Variants in FHOD3 observed in about 807,000 individuals in gnomAD.
The protein encoded by FHOD3 is FH1/FH2 domain-containing protein 3.
FHOD3 carries 90 observed loss-of-function variants against 173.0 expected under a neutral mutation model. That is an observed-to-expected ratio of 0.52 (90% CI 0.44 to 0.62). The LOEUF (loss-of-function observed/expected upper bound fraction) is 0.62, where lower values mean the gene tolerates loss of function less well. Among genes scored for constraint, FHOD3 ranks in the 20% least tolerant of loss-of-function variants. The pLI is 0.00. For missense variants in FHOD3, 1,945 were observed against 2,034.7 expected (o/e 0.96, Z 0.85); for synonymous variants, 828 against 823.0 (o/e 1.01, Z -0.10).
At chr18:36,531,090 T>C (rs753867622) in intron 5 of FHOD3, among the ~76,000 whole-genome samples, 39 of 152,222 alleles carry the variant, frequency 2.6e-4, no homozygotes, top group Non-Finnish European at 4.0e-4. Flanking sequence ...CCTCCTACTC[T>C]AACCTCATTT....
At chr18:36,580,079 A>G (rs1599737629) in intron 6 of FHOD3, among the ~76,000 whole-genome samples, 1 of 152,248 alleles carries the variant, frequency 6.6e-6, no homozygotes, top group Non-Finnish European at 1.5e-5. Context: ...ACACACAGGA[A>G]AATCTTTATT....
chr18:36,407,033 G>A (rs1037637660), intron 3 of FHOD3, among the ~76,000 whole-genome samples: 5 of 152,288 alleles, frequency 3.3e-5, no homozygotes, highest in South Asian at 4.1e-4. Flanking sequence ...CAGTGTAATC[G>A]CATCATGTGT....
chr18:36,342,995 C>T (rs2045700222), intron 1 of FHOD3, among the ~76,000 whole-genome samples: 1 of 152,098 alleles, frequency 6.6e-6, no homozygotes, highest in Non-Finnish European at 1.5e-5. Context: ...TTAGGATTGC[C>T]ATAATAAAAA....
At chr18:36,641,876 C>A (rs539117600) in intron 10 of FHOD3, among the ~76,000 whole-genome samples, 89 of 151,610 alleles carry the variant, frequency 5.9e-4, no homozygotes, top group Non-Finnish European at 9.9e-4. Flanking sequence ...TCGCTTGAAC[C>A]CGGGGGTTGG....
intron 5 of FHOD3, among the ~76,000 whole-genome samples, chr18:36,528,448 T>C (rs955911466): frequency 1.3e-5 from 2 of 152,200 alleles, no homozygotes; most frequent in Non-Finnish European, 2.9e-5. Flanking sequence ...ATAAAGCCTG[T>C]CTTTCTATGG....
intron 19 of FHOD3, among the ~76,000 whole-genome samples, chr18:36,722,565 T>C (rs2040844565): frequency 6.6e-6 from 1 of 151,926 alleles, no homozygotes; most frequent in Admixed American, 6.5e-5. Context: ...AACTTTTAAA[T>C]AAAAATTAGG....
chr18:36,333,971 A>G (rs2045162981), intron 1 of FHOD3, among the ~76,000 whole-genome samples: 1 of 152,114 alleles, frequency 6.6e-6, no homozygotes, highest in Non-Finnish European at 1.5e-5. Context: ...TCAGATCCAT[A>G]TTCCTGGCCA....
intron 3 of FHOD3, among the ~76,000 whole-genome samples, chr18:36,403,200 T>A (rs2146712744): frequency 6.6e-6 from 1 of 152,270 alleles, no homozygotes; most frequent in African/African-American, 2.4e-5. Flanking sequence ...CTCTCTCCCC[T>A]AGGGGGCTGG....
chr18:36,489,789 C>T (rs2054373743), intron 3 of FHOD3, among the ~76,000 whole-genome samples: 8 of 152,026 alleles, frequency 5.3e-5, no homozygotes, highest in Admixed American at 5.2e-4. Flanking sequence ...TATGAAAGTC[C>T]ATCACTAAAG....
intron 2 of FHOD3, among the ~76,000 whole-genome samples, chr18:36,362,466 AC>A (rs1311903257): frequency 6.6e-6 from 1 of 152,158 alleles, no homozygotes; most frequent in African/African-American, 2.4e-5. Context: ...AGGGGTTTAT[AC>A]CTGTTAGTCT....
chr18:36,311,652 T>G (rs1712034820), intron 1 of FHOD3, among the ~76,000 whole-genome samples: 1 of 152,076 alleles, frequency 6.6e-6, no homozygotes, highest in South Asian at 2.1e-4. Flanking sequence ...TGCTATGAGA[T>G]CTCCTCTTAC....
chr18:36,590,609 G>A (rs1302898207), intron 6 of FHOD3, among the ~76,000 whole-genome samples: 1 of 151,986 alleles, frequency 6.6e-6, no homozygotes, highest in Non-Finnish European at 1.5e-5. Flanking sequence ...GCTTCCAAAG[G>A]TACATCCACA....
intron 19 of FHOD3, among the ~76,000 whole-genome samples, chr18:36,721,942 G>T (rs1270951948): frequency 6.6e-6 from 1 of 152,154 alleles, no homozygotes; most frequent in Admixed American, 6.5e-5. Context: ...GAGTTATTGG[G>T]CATGGCTGTG....
At chr18:36,315,127 C>G (rs1190583713) in intron 1 of FHOD3, among the ~76,000 whole-genome samples, 1 of 152,190 alleles carries the variant, frequency 6.6e-6, no homozygotes, top group Non-Finnish European at 1.5e-5. Flanking sequence ...AGCCTACTCT[C>G]CTAATAGGCA....
chr18:36,358,038 T>G (rs1043828244), intron 2 of FHOD3, among the ~76,000 whole-genome samples: 3 of 152,232 alleles, frequency 2.0e-5, no homozygotes, highest in African/African-American at 7.2e-5. Flanking sequence ...TCTTTAATAA[T>G]TAATTATCAT....
At position 36,752,046 on chromosome 18, in the gene FHOD3, C is replaced by T. The variant is rs150370884; in HGVS notation, c.4233-3073C>T. ...ATCACAGTGGAAGGGGAACCAAACA[C>T]GTCCTTCTTCACATAACGGCAGCAA... On this transcript the variant is annotated intron_variant, in intron 24 of 28. Coordinates refer to ENST00000590592, the MANE Select transcript of FHOD3 (RefSeq NM_001281740.3). Among the ~76,000 whole-genome samples, 485 of 152,270 alleles carry T rather than the reference C, an allele frequency of 3.2e-3. 3 individuals are homozygous for T. Among genetic ancestry groups the T allele is most frequent in the African/African-American group, 0.011 (455 of 41,558 alleles).
intron 20 of FHOD3, among the ~76,000 whole-genome samples, chr18:36,736,462 G>A (rs528772435): frequency 6.6e-6 from 1 of 152,292 alleles, no homozygotes; most frequent in Non-Finnish European, 1.5e-5. Context: ...TTGAAAGATG[G>A]TGAATACAGA....
At chr18:36,387,989 C>A (rs563538988) in intron 3 of FHOD3, among the ~76,000 whole-genome samples, 5 of 152,098 alleles carry the variant, frequency 3.3e-5, no homozygotes, top group African/African-American at 1.2e-4. Context: ...TGGAACTGTC[C>A]TGAGCCTTAG....
chr18:36,697,798 T>C (rs1049418233), intron 17 of FHOD3, among the ~76,000 whole-genome samples: 3 of 152,206 alleles, frequency 2.0e-5, no homozygotes, highest in South Asian at 2.1e-4. Flanking sequence ...AATTTAGACA[T>C]AGAGTATCAT....
Sources: gnomAD v4.1 joint callset for allele counts (sites outside exome capture counted in the v4.1 genomes callset) on GRCh38, gnomAD v4.1.1 for gene constraint, MANE v1.5 for transcripts, NCBI Gene and HGNC (gene_info 2026-07-23, HGNC 2026-07-21) for gene names.